Variants in ADGRA3 observed in about 807,000 individuals in gnomAD.
ADGRA3 encodes the protein G-protein coupled receptor 125.
ADGRA3 carries 56 observed loss-of-function variants against 119.8 expected under a neutral mutation model. That is an observed-to-expected ratio of 0.47 (90% CI 0.38 to 0.58). The LOEUF (loss-of-function observed/expected upper bound fraction) is 0.58, where lower values mean the gene tolerates loss of function less well. Ranked by LOEUF, ADGRA3 falls within the 20% of genes least tolerant of loss-of-function variation. The pLI is 0.00. For synonymous variants in ADGRA3, 607 were observed against 623.8 expected (o/e 0.97, Z 0.40); for missense variants, 1,516 against 1,649.0 (o/e 0.92, Z 1.40).
chr4:22,430,937 C>T (rs1336502078), intron 10 of ADGRA3, among the ~76,000 whole-genome samples: 1 of 152,222 alleles, frequency 6.6e-6, no homozygotes, highest in Non-Finnish European at 1.5e-5. Context: ...GCTTGGGCTG[C>T]TGCTTCACAG....
At chr4:22,422,650 C>T (rs902130711) in intron 11 of ADGRA3, among the ~76,000 whole-genome samples, 1 of 152,136 alleles carries the variant, frequency 6.6e-6, no homozygotes, top group African/African-American at 2.4e-5. Context: ...GATGTATCAT[C>T]TCCTGGAACT....
At chr4:22,409,790 CA>C (rs528208772) in intron 14 of ADGRA3, among the ~76,000 whole-genome samples, 36 of 151,820 alleles carry the variant, frequency 2.4e-4, no homozygotes, top group Non-Finnish European at 4.7e-4. Context: ...TGCAAAAATG[CA>C]AAAAAATAGG....
chr4:22,387,962 G>C lies in ADGRA3; in HGVS notation c.3709C>G (p.Gln1237Glu). ...YRERQYNPPQ[Q>E]DSSDACSTLP... ...GTGCTACAAGCATCGCTGCTGTCTTGCTGGGGTGGGTTGTACTGTCTCTCT... is the reference window on the plus strand; with the variant it reads ...GTGCTACAAGCATCGCTGCTGTCTTCCTGGGGTGGGTTGTACTGTCTCTCT... The change falls in exon 19 of 19, where the codon CAA becomes GAA. Residue 1237 changes from glutamine (Q) to glutamate (E), a missense_variant. By Grantham distance (29) the Gln-to-Glu change is conservative. Around this residue, in one of 2 missense-constraint regions of ADGRA3, gnomAD observed 1,088 missense variants for 1,107.1 expected, o/e 0.98. Transcript: ENST00000334304. The C allele has an allele frequency of 6.2e-7, 1 of 1,614,154 alleles. No homozygotes were observed. The highest frequency in any genetic ancestry group is 8.5e-7 in the Non-Finnish European group (1 of 1,180,020).
chr4:22,427,269 A>ACTAACAAT (rs1715978981), intron 10 of ADGRA3, among the ~76,000 whole-genome samples: 1 of 152,200 alleles, frequency 6.6e-6, no homozygotes, highest in South Asian at 2.1e-4. Context: ...ACAGATTAGC[A>ACTAACAAT]AAGTTACAAC....
chr4:22,469,300 A>C (rs565481756), intron 2 of ADGRA3, among the ~76,000 whole-genome samples: 1 of 152,240 alleles, frequency 6.6e-6, no homozygotes, highest in Admixed American at 6.5e-5. Flanking sequence ...CGTTTCATTT[A>C]TTGTCTATTT....
At chr4:22,390,319 CTT>C in intron 17 of ADGRA3, among the ~76,000 whole-genome samples, 1 of 18,812 alleles carries the variant, frequency 5.3e-5, no homozygotes, top group African/African-American at 9.0e-5. Flanking sequence ...TTCTCTACTG[CTT>C]ATATATATAT....
intron 10 of ADGRA3, among the ~76,000 whole-genome samples, chr4:22,433,771 C>G (rs2323407): frequency 0.9 from 136,251 of 151,776 alleles, 62,339 homozygotes; most frequent in South Asian, 0.98. Context: ...CCTGTGGGCA[C>G]CAACCCTGTC....
At chr4:22,508,368 T>C (rs1473641802) in intron 1 of ADGRA3, among the ~76,000 whole-genome samples, 2 of 152,154 alleles carry the variant, frequency 1.3e-5, no homozygotes, top group Non-Finnish European at 2.9e-5. Context: ...CACTGAGATG[T>C]AGACTTTGGT....
chr4:22,463,800 G>A (rs1225997169), intron 2 of ADGRA3, among the ~76,000 whole-genome samples: 1 of 152,218 alleles, frequency 6.6e-6, no homozygotes, highest in African/African-American at 2.4e-5. Context: ...CTCAGCAGCA[G>A]TGGTTGTCAT....
Position 22,420,731 on chromosome 4 carries a change from C to A in ADGRA3, c.1809+155G>T, listed in dbSNP as rs1715627053. 3 of 704,338 alleles carry A rather than the reference C, an allele frequency of 4.3e-6. No individual in the cohort carries two copies. In the South Asian group the frequency reaches 5.5e-5, roughly 13 times the overall value. 43.6% of individuals were successfully genotyped at this position (704,338 alleles called of 1,614,324 possible). ...CCTTGAAAGTCGTAATGCAGTTCTT[C>A]CTGGTTAGTTTTCTTTAAAACAGTA... On this transcript the variant is annotated intron_variant, in intron 12 of 18. Coordinates refer to ENST00000334304, the MANE Select transcript of ADGRA3 (RefSeq NM_145290.4).
chr4:22,441,668 T>C (rs969910412), intron 7 of ADGRA3, among the ~76,000 whole-genome samples: 1 of 152,060 alleles, frequency 6.6e-6, no homozygotes, highest in African/African-American at 2.4e-5. Context: ...TAAACAATAC[T>C]TTTTTAAAAA....
At chr4:22,420,632 C>A in intron 12 of ADGRA3, 2 of 550,904 alleles carry the variant, frequency 3.6e-6, no homozygotes, top group Non-Finnish European at 6.4e-6. Context: ...GCATTTATAC[C>A]ACTGCAGTTA....
At chr4:22,424,546 G>A (rs2169606) in intron 10 of ADGRA3, among the ~76,000 whole-genome samples, 194 bp from the exon 11 acceptor site, 148,964 of 152,278 alleles carry the variant, frequency 0.98, 72,892 homozygotes, top group Non-Finnish European at 0.99. Flanking sequence ...GCCATTTGGT[G>A]GTATTTAGCT....
At chr4:22,448,930 C>T (rs967202838) in intron 4 of ADGRA3, among the ~76,000 whole-genome samples, 1 of 152,020 alleles carries the variant, frequency 6.6e-6, no homozygotes, top group African/African-American at 2.4e-5. Flanking sequence ...AAGGTGTGCC[C>T]ATGGCAGTAT....
chr4:22,458,570 C>T (rs1216657816), intron 3 of ADGRA3, among the ~76,000 whole-genome samples: 3 of 152,184 alleles, frequency 2.0e-5, no homozygotes, highest in African/African-American at 7.2e-5. Context: ...CACAGTTGGG[C>T]TCACAGGATG....
chr4:22,471,084 A>G (rs1488115450), intron 2 of ADGRA3, among the ~76,000 whole-genome samples: 1 of 152,196 alleles, frequency 6.6e-6, no homozygotes, highest in Non-Finnish European at 1.5e-5. Context: ...GCACAGGAAC[A>G]GTCAGTGCTG....
rs142865840 is a variant in ADGRA3, at chr4:22,436,565, C to T, written c.1162G>A (p.Gly388Arg). 109 of 1,614,020 alleles carry T rather than the reference C, an allele frequency of 6.8e-5. No individual in the cohort carries two copies. In the African/African-American group the frequency reaches 7.5e-4, roughly 11 times the overall value. Reference sequence around the variant, plus strand: ...GCTTTTCTCTCATCCTGTGGGTTTCCGGGATATATCCCACTGCCATGGGTG... The same window carrying T: ...GCTTTTCTCTCATCCTGTGGGTTTCTGGGATATATCCCACTGCCATGGGTG... The part of the protein sequence containing the change: ...RNTHGSGIYP[G>R]NPQDERKAWR... The change falls in exon 9 of 19, where the codon GGA becomes AGA. Residue 388 changes from glycine to arginine, a missense_variant. Coordinates refer to ENST00000334304, the MANE Select transcript of ADGRA3 (RefSeq NM_145290.4).
rs1713881321 is a variant in ADGRA3, at chr4:22,387,618, G to C, written c.*87C>G. On this transcript the variant is annotated 3_prime_UTR_variant, in exon 19 of 19. Transcript: ENST00000334304. ...CAAATTCTTTTGAATCCCTATGGTGGCTGTAAACAGTTTTTAAATGCTCAT... is the reference window on the plus strand; with the variant it reads ...CAAATTCTTTTGAATCCCTATGGTGCCTGTAAACAGTTTTTAAATGCTCAT... 1.5e-6 allele frequency: 2 copies of C among 1,290,784 alleles called. No individual in the cohort carries two copies. Among genetic ancestry groups the C allele is most frequent in the African/African-American group, 1.5e-5 (1 of 67,478 alleles). 80.0% of individuals were successfully genotyped at this position (1,290,784 alleles called of 1,614,324 possible).
chr4:22,473,981 A>C, intron 1 of ADGRA3, 138 bp from the exon 2 acceptor site: 1 of 506,610 alleles, frequency 2.0e-6, no homozygotes, highest in South Asian at 4.5e-5. Flanking sequence ...GCTGAAAAAA[A>C]GTGAGTGTCT....
Sources: gnomAD v4.1 joint callset for allele counts (sites outside exome capture counted in the v4.1 genomes callset) on GRCh38, gnomAD v4.1.1 for gene constraint, gnomAD v4.1.1 regional missense constraint, MANE v1.5 for transcripts, NCBI Gene and HGNC (gene_info 2026-07-23, HGNC 2026-07-21) for gene names.